GNAT3: variants seen among roughly 807,000 people sequenced by gnomAD.
GNAT3 encodes the protein guanine nucleotide-binding protein G(t) subunit alpha-3.
GNAT3 carries 31 observed loss-of-function variants against 37.7 expected under a neutral mutation model. That is an observed-to-expected ratio of 0.82 (90% CI 0.62 to 1.11). The LOEUF (loss-of-function observed/expected upper bound fraction) is 1.11. Among genes scored for constraint, GNAT3 ranks in the 50% most tolerant of loss-of-function variants. The pLI, the probability that GNAT3 is intolerant of heterozygous loss-of-function variation, is 0.00. For missense variants in GNAT3, 437 were observed against 412.5 expected (o/e 1.06, Z -0.51); for synonymous variants, 138 against 139.8 (o/e 0.99, Z 0.09).
At chr7:80,461,889 T>C (rs1353993173) in intron 7 of GNAT3, among the ~76,000 whole-genome samples, 1 of 152,194 alleles carries the variant, frequency 6.6e-6, no homozygotes, top group East Asian at 1.9e-4. Context: ...ACAATTCAGG[T>C]TCCAATGTCA....
At chr7:80,460,397 T>C (rs1164321782) in intron 7 of GNAT3, among the ~76,000 whole-genome samples, 3 of 152,174 alleles carry the variant, frequency 2.0e-5, no homozygotes, top group Non-Finnish European at 4.4e-5. Flanking sequence ...TAATGCTGGA[T>C]ACATGACCTG....
Position 80,502,545 on chromosome 7 carries a change from G to A in GNAT3, c.119-7898C>T, listed in dbSNP as rs1013693449. On this transcript the variant is annotated intron_variant, in intron 1 of 7. Coordinates refer to ENST00000398291, the MANE Select transcript of GNAT3 (RefSeq NM_001102386.3). ...CAACAACGATTTTTAAAAAGGCCTT[G>A]GTTAATCACATGGTTTGCCTATACT... Among the ~76,000 whole-genome samples the A allele has an allele frequency of 5.3e-5, 8 of 151,736 alleles. 2 individuals are homozygous for A. The highest frequency in any genetic ancestry group is 2.0e-4 in the Admixed American group (3 of 15,242).
intron 3 of GNAT3, among the ~76,000 whole-genome samples, chr7:80,486,038 T>A (rs1314940589): frequency 1.3e-5 from 2 of 152,178 alleles, no homozygotes; most frequent in Admixed American, 1.3e-4. Flanking sequence ...CTTGTATAAA[T>A]AAATAATTGA....
intron 4 of GNAT3, among the ~76,000 whole-genome samples, chr7:80,475,252 C>A (rs1790284075): frequency 6.7e-6 from 1 of 149,026 alleles, no homozygotes. Flanking sequence ...TGGTGATGAA[C>A]AGGAATAAGT....
At chr7:80,492,343 C>T (rs1790610435) in intron 2 of GNAT3, among the ~76,000 whole-genome samples, 2 of 147,762 alleles carry the variant, frequency 1.4e-5, no homozygotes, top group Admixed American at 6.7e-5. Flanking sequence ...GACCCTTTCT[C>T]AAATAAATAA....
At chr7:80,500,464 A>G (rs922728764) in intron 1 of GNAT3, among the ~76,000 whole-genome samples, 16 of 152,114 alleles carry the variant, frequency 1.1e-4, no homozygotes, top group African/African-American at 3.4e-4. Context: ...ACTGAATCTC[A>G]AGTTTGAAAT....
intron 1 of GNAT3, among the ~76,000 whole-genome samples, chr7:80,507,088 G>A (rs761886027): frequency 6.6e-5 from 10 of 152,012 alleles, no homozygotes; most frequent in Non-Finnish European, 1.2e-4. Context: ...TTTACATGTT[G>A]TTAAGAAGAT....
chr7:80,462,064 C>A, intron 7 of GNAT3, 95 bp downstream of exon 7: 1 of 784,490 alleles, frequency 1.3e-6, no homozygotes, highest in Non-Finnish European at 2.0e-6. Context: ...GATCATAAGC[C>A]TCATCCTCAT....
chr7:80,465,461 G>T (rs751512538), intron 5 of GNAT3, among the ~76,000 whole-genome samples: 1 of 152,002 alleles, frequency 6.6e-6, no homozygotes, highest in African/African-American at 2.4e-5. Context: ...TTTTTCAGAG[G>T]GACCCTTAAG....
chr7:80,512,056 T>C lies in GNAT3; in HGVS notation c.-130A>G, dbSNP rs578035362. On this transcript the variant is annotated 5_prime_UTR_variant, in exon 1 of 8. Coordinates refer to ENST00000398291, the MANE Select transcript of GNAT3 (RefSeq NM_001102386.3). ...CCTAGCAGTCCATTCCCTAATGCTC[T>C]AAGATTCTGCTTTGACTAAGGAGAT... The C allele has an allele frequency of 7.5e-5, 44 of 585,870 alleles. No homozygotes were observed. Among genetic ancestry groups the C allele is most frequent in the Middle Eastern group, 5.4e-4 (2 of 3,728 alleles). 36.3% of individuals were successfully genotyped at this position (585,870 alleles called of 1,614,324 possible). A position where few individuals can be genotyped will look rare whatever the true frequency, so the allele number is the denominator to read the frequency against.
At chr7:80,502,630 T>G (rs1325297044) in intron 1 of GNAT3, among the ~76,000 whole-genome samples, 1 of 152,134 alleles carries the variant, frequency 6.6e-6, no homozygotes, top group Non-Finnish European at 1.5e-5. Context: ...TTATCAAGCA[T>G]GTAGTTCTTA....
At position 80,502,458 on chromosome 7, in the gene GNAT3, CTAAGTGTTCAT is replaced by C. The variant is rs147361704; in HGVS notation, c.119-7822_119-7812del. Among the ~76,000 whole-genome samples the C allele has an allele frequency of 5.9e-3, 890 of 152,000 alleles. 8 individuals are homozygous for C. Among genetic ancestry groups the C allele is most frequent in the African/African-American group, 0.019 (802 of 41,442 alleles). The stretch of plus-strand genomic sequence containing the variant: ...ACACAGGTCTGTTGCAGATATTTGT[CTAAGTGTTCAT>C]TAATTGTGGGAATAGTCATGTATAC... On this transcript the variant is annotated intron_variant, in intron 1 of 7. Transcript: ENST00000398291.
intron 3 of GNAT3, among the ~76,000 whole-genome samples, chr7:80,483,068 G>C (rs963304756): frequency 1.3e-5 from 2 of 151,918 alleles, no homozygotes; most frequent in African/African-American, 4.8e-5. Flanking sequence ...TTTCAATCCA[G>C]GCTGCACATT....
intron 5 of GNAT3, among the ~76,000 whole-genome samples, chr7:80,465,661 C>T (rs572238390): frequency 6.6e-6 from 1 of 152,216 alleles, no homozygotes; most frequent in African/African-American, 2.4e-5. Flanking sequence ...GGCTCTCAAA[C>T]CTTCACTAGT....
chr7:80,459,024 C>T (rs541251529), intron 7 of GNAT3, among the ~76,000 whole-genome samples, 163 bp from the exon 8 acceptor site: 1 of 152,026 alleles, frequency 6.6e-6, no homozygotes, highest in Non-Finnish European at 1.5e-5. Context: ...CTATGCTCAC[C>T]CCTTTGGGAG....
chr7:80,485,056 C>G (rs1790453802), intron 3 of GNAT3, among the ~76,000 whole-genome samples: 1 of 152,028 alleles, frequency 6.6e-6, no homozygotes. Flanking sequence ...GGATAATTCC[C>G]TTTGGAACAC....
chr7:80,472,876 C>G (rs1790242831), intron 5 of GNAT3, among the ~76,000 whole-genome samples: 1 of 152,070 alleles, frequency 6.6e-6, no homozygotes, highest in Non-Finnish European at 1.5e-5. Flanking sequence ...ATTAGGTAAC[C>G]TGGAATTGGA....
At chr7:80,462,738 G>A (rs1192927098) in intron 5 of GNAT3, 107 bp from the exon 6 acceptor site, 9 of 713,250 alleles carry the variant, frequency 1.3e-5, no homozygotes, top group Admixed American at 1.1e-4. Flanking sequence ...TCTTCAAAAG[G>A]TATTCTTTTG....
chr7:80,462,225 TG>T lies in GNAT3; in HGVS notation c.807del (p.Asn269LysfsTer10). 6.2e-7 allele frequency: 1 copy of T among 1,609,780 alleles called. No individual in the cohort carries two copies. Among genetic ancestry groups the T allele is most frequent in the Non-Finnish European group, 8.5e-7 (1 of 1,177,354 alleles). ...ACCTTTTCTTGAAAGATATCTTTTT[TG>T]TTGAGGAACAGGACAATGGAGGTTG... ...FSTTSIVLFL[N>X]KKDIFQEKVT... On this transcript the variant is annotated frameshift_variant, in exon 7 of 8. Transcript: ENST00000398291. LOFTEE classifies it high-confidence loss of function.
Sources: allele counts gnomAD v4.1 joint callset (sites outside exome capture counted in the v4.1 genomes callset), GRCh38; gene constraint gnomAD v4.1.1; transcripts MANE v1.5; gene names NCBI Gene and HGNC (gene_info 2026-07-23, HGNC 2026-07-21).